The following PSG5 variants were observed in gnomAD, a reference collection of about 807,000 sequenced individuals.
PSG5 encodes pregnancy-specific beta-1-glycoprotein 5.
A neutral mutation model predicts 37.7 loss-of-function variants in PSG5; 53 were observed. The ratio of observed to expected loss-of-function variants is 1.41; its 90% CI spans 1.13 to 1.77. PSG5 has a LOEUF of 1.77. Ranked by LOEUF, PSG5 falls within the 40% of genes most tolerant of loss-of-function variation. The probability of loss-of-function intolerance (pLI) is 0.00; values close to 1 mark genes in which losing one functional copy is unlikely to be tolerated. For synonymous variants in PSG5, 221 were observed against 155.4 expected, an observed-to-expected ratio of 1.42 and a Z score of -3.14; for missense variants, 547 against 405.2, an observed-to-expected ratio of 1.35 and a Z score of -3.00.
chr19:43,170,519 G>T (rs1937509634), intron 4 of PSG5: 4 of 442,040 alleles, frequency 9.0e-6, no homozygotes, highest in East Asian at 6.2e-5. Flanking sequence ...GGTCTCCATG[G>T]CAGGGAGCTG....
In PSG5 at chr19:43,175,396, G is replaced by A. The variant is rs751398128; in HGVS notation, c.783C>T (p.Cys261=). Residue 261 remains cysteine, a synonymous_variant, in exon 4 of 6, where the codon TGC becomes TGT. Transcript: ENST00000342951. Reference sequence around the variant, plus strand: ...CTGCCGGTGGGTTAGATTCCGCGAAGCAGGACAAGTAGAGGTTTTCTCCTG... The same window carrying A: ...CTGCCGGTGGGTTAGATTCCGCGAAACAGGACAAGTAGAGGTTTTCTCCTG... ...YRSGENLYLS[C]FAESNPPAEY... The A allele has an allele frequency of 1.6e-5, 26 of 1,612,764 alleles. No individual in the cohort carries two copies. Among genetic ancestry groups the A allele is most frequent in the East Asian group, 2.2e-5 (1 of 44,894 alleles).
chr19:43,182,248 T>C (rs1466020647), intron 2 of PSG5, among the ~76,000 whole-genome samples: 4 of 151,794 alleles, frequency 2.6e-5, no homozygotes, highest in African/African-American at 7.3e-5. Context: ...AGGAGGGAAC[T>C]GAATTCTGCT....
At position 43,184,851 on chromosome 19, in the gene PSG5, T is replaced by C. The variant is rs111756077; in HGVS notation, c.361A>G (p.Thr121Ala). 1 of 1,612,444 alleles carries C rather than the reference T, an allele frequency of 6.2e-7. No homozygotes were observed. The highest frequency in any genetic ancestry group is 1.7e-5 in the Admixed American group (1 of 59,874). Residue 121 changes from threonine to alanine, a missense_variant, in exon 2 of 6, where the codon ACC becomes GCC. Transcript: ENST00000342951. ...TCACCTCGCTTTATGATGTGTAAGGTGTAGGATCCTGCGTCTTCCCGGGTG... is the reference window on the plus strand; with the variant it reads ...TCACCTCGCTTTATGATGTGTAAGGCGTAGGATCCTGCGTCTTCCCGGGTG... ...NVTREDAGSY[T>A]LHIIKRGDRT...
chr19:43,179,177 A>C, intron 2 of PSG5: 8 of 1,578,552 alleles, frequency 5.1e-6, no homozygotes, highest in Non-Finnish European at 7.0e-6. Context: ...AAACAGAGAG[A>C]AGATTGCCCT....
intron 4 of PSG5, among the ~76,000 whole-genome samples, chr19:43,172,118 T>A (rs1328192146): frequency 2.0e-5 from 3 of 151,086 alleles, no homozygotes; most frequent in Non-Finnish European, 2.9e-5. Context: ...ATAGACAAAC[T>A]CCTAGAAACA....
At position 43,175,349 on chromosome 19, in the gene PSG5, C is replaced by A. The variant is rs1968984130; in HGVS notation, c.830G>T (p.Gly277Val). ...PPAEYFWTIN[G>V]KFQQSGQKLS... ...CTTTTGTCCTGATTGCTGAAACTTC[C>A]CATTAATTGTCCAAAAATACTCTGC... Residue 277 changes from glycine (G) to valine (V), a missense_variant, in exon 4 of 6, where the codon GGG becomes GTG. Gly to Val is a moderately radical substitution (Grantham distance 109). Coordinates refer to ENST00000342951, the MANE Select transcript of PSG5 (RefSeq NM_002781.4). 1.2e-6 allele frequency: 2 copies of A among 1,612,636 alleles called. No individual in the cohort carries two copies. Among genetic ancestry groups the A allele is most frequent in the African/African-American group, 1.3e-5 (1 of 74,562 alleles).
intron 2 of PSG5, among the ~76,000 whole-genome samples, chr19:43,182,087 G>T (rs1310963410): frequency 2.0e-5 from 3 of 151,654 alleles, no homozygotes; most frequent in Non-Finnish European, 4.4e-5. Context: ...ACTCATTCCT[G>T]GGCATAGGCC....
At chr19:43,181,434 C>T (rs1196527350) in intron 2 of PSG5, among the ~76,000 whole-genome samples, 1 of 151,572 alleles carries the variant, frequency 6.6e-6, no homozygotes, top group Non-Finnish European at 1.5e-5. Context: ...TACCAGTAAG[C>T]ATCAAAAGCA....
rs750088520 is a variant in PSG5 at position 43,175,871 on chromosome 19, G to A, written c.708C>T (p.Leu236=). The part of the protein sequence containing the change: ...MRSDPVTLNV[L]YGPDLPSIYP... ...CACAGAGGAACAAAAGATACTCACA[G>A]AGGACATTCAGGGTGACTGGGTCAC... Residue 236 remains leucine (L), a splice_region_variant and synonymous_variant, in exon 3 of 6, where the codon CTC becomes CTT. Coordinates refer to ENST00000342951, the MANE Select transcript of PSG5 (RefSeq NM_002781.4). 2 of 1,612,416 alleles carry A rather than the reference G, an allele frequency of 1.2e-6. No individual in the cohort carries two copies. The highest frequency in any genetic ancestry group is 1.7e-6 in the Non-Finnish European group (2 of 1,179,090).
chr19:43,179,795 A>C (rs1479293970), intron 2 of PSG5, among the ~76,000 whole-genome samples: 1 of 151,690 alleles, frequency 6.6e-6, no homozygotes, highest in African/African-American at 2.4e-5. Context: ...TGACTTCTAA[A>C]GATAGAGCAG....
chr19:43,170,307 T>C, intron 4 of PSG5, 169 bp from the exon 5 acceptor site: 1 of 749,366 alleles, frequency 1.3e-6, no homozygotes, highest in Non-Finnish European at 2.0e-6. Flanking sequence ...AGTTTTTTTT[T>C]TCCCTCTCAC....
chr19:43,182,865 A>T (rs2122237198), intron 2 of PSG5, among the ~76,000 whole-genome samples: 1 of 148,018 alleles, frequency 6.8e-6, no homozygotes, highest in African/African-American at 2.5e-5. Flanking sequence ...TCATTCTCTT[A>T]GTGACCTGGG....
At position 43,168,112 on chromosome 19, in the gene PSG5, G is replaced by T. The variant is rs1037407071; in HGVS notation, c.*132C>A. 6.7e-6 allele frequency: 3 copies of T among 446,836 alleles called. No individual in the cohort carries two copies. The highest frequency in any genetic ancestry group is 2.0e-5 in the African/African-American group (1 of 48,800). The allele number at this position is 446,836 out of a possible 1,614,324, so 27.7% of individuals were successfully genotyped here. A position where few individuals can be genotyped will look rare whatever the true frequency, so the allele number is the denominator to read the frequency against. ...CAGGAACTTGTATTCAAGAGTCCTT[G>T]TCAGAGTCTTTTCCATAAATCTCCT... is the stretch of plus-strand genomic sequence containing the variant. On this transcript the variant is annotated 3_prime_UTR_variant, in exon 6 of 6. Transcript: ENST00000342951.
rs771257107 is a variant in PSG5 at position 43,185,049 on chromosome 19, C to G, written c.163G>C (p.Val55Leu). ...VSEGKDVLLLVHNLPQNLAGY... is the reference protein window; with the variant it reads ...VSEGKDVLLLLHNLPQNLAGY... The stretch of plus-strand genomic sequence containing the variant: ...GCAAGATTCTGAGGCAAATTGTGGA[C>G]AAGTAGAAGAACATCCTTCCCCTCG... Residue 55 changes from valine (V) to leucine (L), a missense_variant, in exon 2 of 6, where the codon GTC becomes CTC. Coordinates refer to ENST00000342951, the MANE Select transcript of PSG5 (RefSeq NM_002781.4). 40 of 1,612,382 alleles carry G rather than the reference C, an allele frequency of 2.5e-5. No individual in the cohort carries two copies. The East Asian group carries it at 8.7e-4, about 35-fold the overall frequency.
intron 2 of PSG5, among the ~76,000 whole-genome samples, chr19:43,178,115 G>C (rs924265759): frequency 1.3e-5 from 2 of 151,556 alleles, no homozygotes; most frequent in South Asian, 4.2e-4. Context: ...TACTCCCTGT[G>C]CTGGGTTTTT....
At position 43,184,836 on chromosome 19, in the gene PSG5, T is replaced by G; in HGVS notation, c.376A>C (p.Lys126Gln). 3.7e-6 allele frequency: 6 copies of G among 1,612,422 alleles called. 1 individual carries two copies. The highest frequency in any genetic ancestry group is 5.1e-6 in the Non-Finnish European group (6 of 1,179,062). The change falls in exon 2 of 6, where the codon AAG (lysine) becomes CAG (glutamine). Residue 126 changes from lysine to glutamine, a missense_variant. Physicochemically the swap from Lys to Gln is moderately conservative, Grantham distance 53 (BLOSUM62 1). Transcript: ENST00000342951. ...ACTCCTCTAGTCCTATCACCTCGCTTTATGATGTGTAAGGTGTAGGATCCT... is the reference window on the plus strand; with the variant it reads ...ACTCCTCTAGTCCTATCACCTCGCTGTATGATGTGTAAGGTGTAGGATCCT... ...DAGSYTLHII[K>Q]RGDRTRGVTG...
At chr19:43,171,472 G>A in intron 4 of PSG5, 1 of 205,270 alleles carries the variant, frequency 4.9e-6, no homozygotes, top group Non-Finnish European at 9.8e-6. Context: ...GGATATGAAA[G>A]AAGAACAAAC....
In PSG5 at chr19:43,184,793, A is replaced by T; in HGVS notation, c.419T>A (p.Phe140Tyr). ...GTGGAATCACTCACGGTATAAGTTG[A>T]AGGTGAAATATCCAGTTACTCCTCT... ...RTRGVTGYFT[F>Y]NLYLKLPKPY... Residue 140 changes from phenylalanine (F) to tyrosine (Y), a missense_variant, in exon 2 of 6, where the codon TTC (phenylalanine) becomes TAC (tyrosine). By Grantham distance (22) the Phe-to-Tyr change is conservative (BLOSUM62 3). Transcript: ENST00000342951. 2 of 1,612,172 alleles carry T rather than the reference A, an allele frequency of 1.2e-6. No individual in the cohort carries two copies. Among genetic ancestry groups the T allele is most frequent in the Non-Finnish European group, 1.7e-6 (2 of 1,178,980 alleles).
intron 5 of PSG5, among the ~76,000 whole-genome samples, chr19:43,168,605 A>C (rs1190709951): frequency 1.1e-4 from 17 of 151,748 alleles, no homozygotes; most frequent in East Asian, 3.9e-4. Context: ...ATCTCCTGAC[A>C]TCGTGATGTG....
Sources: allele counts gnomAD v4.1 joint callset (sites outside exome capture counted in the v4.1 genomes callset), GRCh38; gene constraint gnomAD v4.1.1; transcripts MANE v1.5; gene names NCBI Gene and HGNC (gene_info 2026-07-23, HGNC 2026-07-21).